C7: variants seen among roughly 807,000 people sequenced by gnomAD.
The protein encoded by C7 is complement C7.
A neutral mutation model predicts 104.8 loss-of-function variants in C7; 83 were observed. That is an observed-to-expected ratio of 0.79 (90% CI 0.66 to 0.95). The LOEUF is 0.95. Among genes scored for constraint, C7 ranks in the 40% least tolerant of loss-of-function variants. C7 has a pLI of 0.00. For synonymous variants in C7, 415 were observed against 360.6 expected, an observed-to-expected ratio of 1.15 and a Z score of -1.71; for missense variants, 1,070 against 1,011.2, an observed-to-expected ratio of 1.06 and a Z score of -0.79.
At chr5:40,910,159 C>G (rs989296304) in intron 1 of C7, among the ~76,000 whole-genome samples, 10 of 151,498 alleles carry the variant, frequency 6.6e-5, no homozygotes, top group African/African-American at 2.2e-4. Context: ...AAAGGTCTAC[C>G]AAGTATACAT....
At chr5:40,912,737 G>A (rs1427440821) in intron 1 of C7, among the ~76,000 whole-genome samples, 3 of 152,092 alleles carry the variant, frequency 2.0e-5, no homozygotes, top group Non-Finnish European at 2.9e-5. Context: ...AGAGTCAAAG[G>A]CCAAGAACAA....
intron 5 of C7, among the ~76,000 whole-genome samples, chr5:40,936,866 G>A (rs1739828757): frequency 6.6e-6 from 1 of 152,126 alleles, no homozygotes; most frequent in Admixed American, 6.6e-5. Context: ...ACAATAGAAT[G>A]AGAACAGGAT....
chr5:40,973,903 A>G (rs3805226), intron 15 of C7, among the ~76,000 whole-genome samples: 13,859 of 152,232 alleles, frequency 0.091, 869 homozygotes, highest in East Asian at 0.19. Flanking sequence ...TTAATTAAGG[A>G]TGTTTTTCAG....
intron 14 of C7, among the ~76,000 whole-genome samples, chr5:40,966,587 C>T (rs562994609): frequency 3.3e-5 from 5 of 152,060 alleles, no homozygotes; most frequent in South Asian, 4.2e-4. Context: ...CTCTGTTGGC[C>T]AGGATGGTCT....
At chr5:40,911,913 ATT>A (rs745734485) in intron 1 of C7, among the ~76,000 whole-genome samples, 30 of 127,520 alleles carry the variant, frequency 2.4e-4, no homozygotes, top group Non-Finnish European at 2.7e-4. Flanking sequence ...TAATTTTTGT[ATT>A]TTTTTTTTTT....
intron 16 of C7, among the ~76,000 whole-genome samples, chr5:40,977,242 A>G (rs924280137): frequency 1.3e-5 from 2 of 152,344 alleles, no homozygotes; most frequent in East Asian, 3.9e-4. Flanking sequence ...TTCTTGAAGC[A>G]TCTTCTCTAG....
intron 7 of C7, among the ~76,000 whole-genome samples, chr5:40,947,097 ATTT>A (rs70988819): frequency 2.0e-4 from 25 of 127,146 alleles, no homozygotes; most frequent in Admixed American, 3.3e-4. Flanking sequence ...CATTACTCAG[ATTT>A]TTTTTTTTTT....
intron 14 of C7, among the ~76,000 whole-genome samples, chr5:40,966,398 G>GTC (rs925516661): frequency 2.0e-5 from 3 of 150,624 alleles, no homozygotes; most frequent in African/African-American, 7.3e-5. Context: ...TTGAGATGGA[G>GTC]TCTCTCTCTG....
chr5:40,974,115 G>A (rs1740762347), intron 15 of C7, among the ~76,000 whole-genome samples: 1 of 151,596 alleles, frequency 6.6e-6, no homozygotes, highest in Non-Finnish European at 1.5e-5. Context: ...TATGTTCAGT[G>A]GCATTAAGTA....
chr5:40,917,934 G>A (rs979740964), intron 1 of C7, among the ~76,000 whole-genome samples: 2 of 152,112 alleles, frequency 1.3e-5, no homozygotes, highest in African/African-American at 2.4e-5. Context: ...AATATAAACT[G>A]TTTGACGGGA....
At chr5:40,928,150 A>G (rs1739599167) in intron 1 of C7, among the ~76,000 whole-genome samples, 1 of 152,164 alleles carries the variant, frequency 6.6e-6, no homozygotes. Context: ...AGTTAAATAA[A>G]CCAGGCACAG....
At chr5:40,953,258 TA>T (rs1358947109) in intron 9 of C7, among the ~76,000 whole-genome samples, 3 of 152,030 alleles carry the variant, frequency 2.0e-5, no homozygotes, top group African/African-American at 7.3e-5. Context: ...CTCATGGAGA[TA>T]GAATAGAATG....
At chr5:40,974,898 CT>C (rs1740781008) in intron 15 of C7, among the ~76,000 whole-genome samples, 1 of 152,114 alleles carries the variant, frequency 6.6e-6, no homozygotes, top group South Asian at 2.1e-4. Flanking sequence ...TCTAATAATT[CT>C]TTGCTATGGG....
At chr5:40,975,183 A>G (rs544467929) in intron 15 of C7, among the ~76,000 whole-genome samples, 1 of 152,248 alleles carries the variant, frequency 6.6e-6, no homozygotes, top group East Asian at 1.9e-4. Flanking sequence ...CCTTAATATT[A>G]ACATCTTACA....
chr5:40,932,984 T>C (rs982003537), intron 3 of C7, among the ~76,000 whole-genome samples: 16 of 152,180 alleles, frequency 1.1e-4, no homozygotes, highest in South Asian at 4.1e-4. Flanking sequence ...AAAAACACTT[T>C]CTTATGCAAA....
At chr5:40,964,283 T>C (rs1484369526) in intron 13 of C7, among the ~76,000 whole-genome samples, 1 of 151,982 alleles carries the variant, frequency 6.6e-6, no homozygotes, top group Non-Finnish European at 1.5e-5. Flanking sequence ...TCTCAGGTGA[T>C]CCACCTGCCT....
At chr5:40,913,517 T>G (rs1017894077) in intron 1 of C7, among the ~76,000 whole-genome samples, 1 of 152,042 alleles carries the variant, frequency 6.6e-6, no homozygotes, top group African/African-American at 2.4e-5. Flanking sequence ...TAAAGAGAGA[T>G]GGTGTCTTGC....
At chr5:40,976,275 A>T (rs1328647395) in intron 15 of C7, among the ~76,000 whole-genome samples, 1 of 152,238 alleles carries the variant, frequency 6.6e-6, no homozygotes, top group Admixed American at 6.5e-5. Flanking sequence ...TGGGCACAGC[A>T]GGCAGAATGC....
At chr5:40,930,968 C>T in intron 2 of C7, 96 bp from the exon 3 acceptor site, 1 of 826,910 alleles carries the variant, frequency 1.2e-6, no homozygotes, top group Admixed American at 2.3e-5. Flanking sequence ...ATATTTGAGG[C>T]AACATTTAAC....
Sources: allele counts gnomAD v4.1 joint callset (sites outside exome capture counted in the v4.1 genomes callset), GRCh38; gene constraint gnomAD v4.1.1; transcripts MANE v1.5; gene names NCBI Gene and HGNC (gene_info 2026-07-23, HGNC 2026-07-21).